Variants in ACAT2 observed in about 807,000 individuals in gnomAD.
The protein encoded by ACAT2 is acetyl-CoA acetyltransferase 2.
ACAT2 carries 26 observed loss-of-function variants against 37.1 expected under a neutral mutation model. The observed-to-expected ratio is 0.70, with a 90% CI of 0.51 to 0.97. The LOEUF (loss-of-function observed/expected upper bound fraction) is 0.97. Among genes scored for constraint, ACAT2 ranks in the 50% least tolerant of loss-of-function variants. The pLI, the probability that ACAT2 is intolerant of heterozygous loss-of-function variation, is 0.00. For missense variants in ACAT2, 468 were observed against 489.0 expected, an observed-to-expected ratio of 0.96 and a Z score of 0.40; for synonymous variants, 156 against 163.6, an observed-to-expected ratio of 0.95 and a Z score of 0.35.
At chr6:159,764,808 C>G (rs1411573642) in intron 2 of ACAT2, among the ~76,000 whole-genome samples, 2 of 152,182 alleles carry the variant, frequency 1.3e-5, no homozygotes, top group Non-Finnish European at 2.9e-5. Flanking sequence ...ATTTAATCTT[C>G]CTCACAAGTC....
chr6:159,774,371 G>C (rs1780381848), intron 4 of ACAT2, among the ~76,000 whole-genome samples: 1 of 152,228 alleles, frequency 6.6e-6, no homozygotes, highest in Non-Finnish European at 1.5e-5. Flanking sequence ...GAGCTAGAAG[G>C]ACATTACTGA....
At position 159,776,156 on chromosome 6, in the gene ACAT2, T is replaced by C. The variant is rs754903088; in HGVS notation, c.641T>C (p.Ile214Thr). ...PVLVSTRKGL[I>T]EVKTDEFPRH... ...TTGGTTTTCCTTTGCTTAGGTCTTA[T>C]TGAAGTTAAAACAGATGAGTTTCCT... Residue 214 changes from isoleucine (I) to threonine (T), a missense_variant, in exon 6 of 9, where the codon ATT becomes ACT. By Grantham distance (89) the Ile-to-Thr change is moderately conservative. Coordinates refer to ENST00000367048, the MANE Select transcript of ACAT2 (RefSeq NM_005891.3). 27 of 1,613,834 alleles carry C rather than the reference T, an allele frequency of 1.7e-5. No homozygotes were observed. In the Admixed American group the frequency reaches 2.3e-4, roughly 14 times the overall value.
rs571101790 is a variant in ACAT2, at chr6:159,778,865, A to T, written c.*36A>T. The T allele has an allele frequency of 2.5e-6, 4 of 1,613,270 alleles. No individual in the cohort carries two copies. In the South Asian group the frequency reaches 4.4e-5, roughly 18 times the overall value. Reference sequence around the variant, plus strand: ...CTTTGAACAACCTCAATTTCTTTTTAAACTAATAAAGTACTAGGTTGCAAT... The same window carrying T: ...CTTTGAACAACCTCAATTTCTTTTTTAACTAATAAAGTACTAGGTTGCAAT... On this transcript the variant is annotated 3_prime_UTR_variant, in exon 9 of 9. Coordinates refer to ENST00000367048, the MANE Select transcript of ACAT2 (RefSeq NM_005891.3).
At position 159,776,288 on chromosome 6, in the gene ACAT2, G is replaced by T; in HGVS notation, c.757+16G>T. On this transcript the variant is annotated intron_variant, in intron 6 of 8. Coordinates refer to ENST00000367048, the MANE Select transcript of ACAT2 (RefSeq NM_005891.3). ...AATGCTTCAGGTTAGATTTTCTGAA[G>T]GACATCTGGGGGAATACTATGTTCT... 1 of 1,612,844 alleles carries T rather than the reference G, an allele frequency of 6.2e-7. No homozygotes were observed. The highest frequency in any genetic ancestry group is 8.5e-7 in the Non-Finnish European group (1 of 1,179,506).
chr6:159,770,423 A>G (rs1405506788), intron 4 of ACAT2, among the ~76,000 whole-genome samples: 3 of 152,254 alleles, frequency 2.0e-5, no homozygotes, highest in Non-Finnish European at 4.4e-5. Context: ...ATAGAGGAAT[A>G]GATGTGGACA....
At chr6:159,763,494 G>A (rs563352013) in intron 2 of ACAT2, among the ~76,000 whole-genome samples, 13 of 152,102 alleles carry the variant, frequency 8.5e-5, no homozygotes, top group South Asian at 6.2e-4. Context: ...CAGTGATTGT[G>A]TCACTGCACT....
rs1406614206 is a variant in ACAT2 at position 159,779,107 on chromosome 6, T to C, written c.*278T>C. 2 of 1,614,116 alleles carry C rather than the reference T, an allele frequency of 1.2e-6. No homozygotes were observed. Among genetic ancestry groups the C allele is most frequent in the South Asian group, 2.2e-5 (2 of 91,078 alleles). On this transcript the variant is annotated 3_prime_UTR_variant, in exon 9 of 9. Coordinates refer to ENST00000367048, the MANE Select transcript of ACAT2 (RefSeq NM_005891.3). Reference sequence around the variant, plus strand: ...TAACTTCCATGTTTATCATCTTTACTTTCTGGATGTAATTTAATAAGATCA... The same window carrying C: ...TAACTTCCATGTTTATCATCTTTACCTTCTGGATGTAATTTAATAAGATCA...
At chr6:159,763,124 A>ACT (rs970584753) in intron 2 of ACAT2, 71 bp downstream of exon 2, 194 of 1,460,544 alleles carry the variant, frequency 1.3e-4, no homozygotes, top group African/African-American at 4.5e-4. Context: ...ACACACACAC[A>ACT]CTCTCACACA....
intron 6 of ACAT2, among the ~76,000 whole-genome samples, chr6:159,776,498 A>C (rs1466708047): frequency 1.3e-5 from 2 of 152,202 alleles, no homozygotes; most frequent in Non-Finnish European, 2.9e-5. Context: ...GGGGGACTAC[A>C]GGCATGAGCC....
At chr6:159,778,354 G>A (rs1780473202) in intron 8 of ACAT2, 74 bp downstream of exon 8, 1 of 1,068,884 alleles carries the variant, frequency 9.4e-7, no homozygotes, top group Non-Finnish European at 1.3e-6. Flanking sequence ...TATCTTCTAG[G>A]TGTTGGCCAT....
chr6:159,762,381 G>C (rs1583120580), intron 1 of ACAT2: 1 of 1,358,886 alleles, frequency 7.4e-7, no homozygotes, highest in East Asian at 2.7e-5. Flanking sequence ...ATTGGCTCCC[G>C]GGGTAGAGCC....
intron 2 of ACAT2, 78 bp from the exon 3 acceptor site, chr6:159,766,927 C>T: frequency 1.3e-6 from 2 of 1,570,966 alleles, no homozygotes; most frequent in Admixed American, 1.7e-5. Context: ...ACCCAACTGG[C>T]AATTTTCCAC....
chr6:159,775,383 A>G (rs1270361791), intron 5 of ACAT2, 70 bp downstream of exon 5: 25 of 1,501,920 alleles, frequency 1.7e-5, no homozygotes, highest in East Asian at 1.1e-4. Flanking sequence ...AGAGTAATAC[A>G]TAGGAATCTT....
intron 4 of ACAT2, among the ~76,000 whole-genome samples, chr6:159,774,015 G>T (rs1362268847): frequency 2.6e-5 from 4 of 152,132 alleles, no homozygotes; most frequent in Admixed American, 2.6e-4. Flanking sequence ...ATGAAAAAAT[G>T]GTACCTTTAA....
intron 8 of ACAT2, 68 bp from the exon 9 acceptor site, chr6:159,778,591 G>T: frequency 6.5e-7 from 1 of 1,538,140 alleles, no homozygotes. Flanking sequence ...AGAGGAAAAA[G>T]ACAAGTTTAA....
At chr6:159,775,830 C>A in intron 5 of ACAT2, 1 of 263,126 alleles carries the variant, frequency 3.8e-6, no homozygotes, top group East Asian at 1.0e-4. Flanking sequence ...ACTGCCTGAT[C>A]CACTCACTCG....
In ACAT2 at chr6:159,778,833, G is replaced by C; in HGVS notation, c.*4G>C. 11 of 1,614,046 alleles carry C rather than the reference G, an allele frequency of 6.8e-6. No homozygotes were observed. The highest frequency in any genetic ancestry group is 9.3e-6 in the Non-Finnish European group (11 of 1,179,964). ...AATGTGTGTTCAGAGAGAATGAATT[G>C]CTTAAACTTTGAACAACCTCAATTT... On this transcript the variant is annotated 3_prime_UTR_variant, in exon 9 of 9. Coordinates refer to ENST00000367048, the MANE Select transcript of ACAT2 (RefSeq NM_005891.3).
chr6:159,763,190 C>T, intron 2 of ACAT2, 137 bp downstream of exon 2: 2 of 1,222,182 alleles, frequency 1.6e-6, no homozygotes, highest in South Asian at 1.5e-5. Context: ...GCTCAGAGTT[C>T]CCTCTGTTAT....
In ACAT2 at chr6:159,762,069, C is replaced by A; in HGVS notation, c.-19C>A. ...TAGCTTGCAGGCAGCGCAGGGCAGACGGCGGCAGGAGAAGCAAGATGAATG... is the reference window on the plus strand; with the variant it reads ...TAGCTTGCAGGCAGCGCAGGGCAGAAGGCGGCAGGAGAAGCAAGATGAATG... On this transcript the variant is annotated 5_prime_UTR_variant, in exon 1 of 9. Transcript: ENST00000367048. The A allele has an allele frequency of 3.1e-6, 5 of 1,612,234 alleles. No homozygotes were observed. The highest frequency in any genetic ancestry group is 1.7e-4 in the Middle Eastern group (1 of 6,050).
Sources: allele counts gnomAD v4.1 joint callset (sites outside exome capture counted in the v4.1 genomes callset), GRCh38; gene constraint gnomAD v4.1.1; transcripts MANE v1.5; gene names NCBI Gene and HGNC (gene_info 2026-07-23, HGNC 2026-07-21).